SNRK: variants seen among roughly 807,000 people sequenced by gnomAD.
The protein encoded by SNRK is SNF related kinase, also known as SNF-related serine/threonine-protein kinase.
A neutral mutation model predicts 48.2 loss-of-function variants in SNRK; 3 were observed. The ratio of observed to expected loss-of-function variants is 0.06; its 90% CI spans 0.03 to 0.16. SNRK has a LOEUF of 0.16. Among genes scored for constraint, SNRK ranks in the 10% least tolerant of loss-of-function variants. The probability of loss-of-function intolerance (pLI) is 1.00; values close to 1 mark genes in which losing one functional copy is unlikely to be tolerated. For synonymous variants in SNRK, 376 were observed against 366.1 expected (o/e 1.03, Z -0.31); for missense variants, 627 against 976.0 (o/e 0.64, Z 4.76).
chr3:43,339,868 T>C (rs2091221491), intron 4 of SNRK, among the ~76,000 whole-genome samples: 2 of 96,730 alleles, frequency 2.1e-5, no homozygotes, highest in African/African-American at 4.5e-5. Flanking sequence ...TATATATATA[T>C]ATATATGTTA....
At position 43,348,895 on chromosome 3, in the gene SNRK, C is replaced by CT. The variant is rs58250366; in HGVS notation, c.*342dup. 102,700 of 179,116 alleles carry CT rather than the reference C, an allele frequency of 0.57. 33,283 individuals carry two copies. Among genetic ancestry groups the CT allele is most frequent in the East Asian group, 0.78 (5,453 of 6,956 alleles). The allele number at this position is 179,116 out of a possible 1,614,324, so 11.1% of individuals were successfully genotyped here. ...ACTTAACCTAGAGAGAGAAAAAATG[C>CT]TTTTCTTTGTGAAAAATCTGAATTC... On this transcript the variant is annotated 3_prime_UTR_variant, in exon 7 of 7. Transcript: ENST00000296088.
intron 2 of SNRK, 107 bp from the exon 3 acceptor site, chr3:43,302,985 ATTTATT>A (rs1470060496): frequency 1.1e-5 from 5 of 437,702 alleles, no homozygotes; most frequent in Non-Finnish European, 2.0e-5. Flanking sequence ...TTTTATCTCA[ATTTATT>A]TTCTTCAAGT....
At chr3:43,330,248 C>T (rs751948614) in intron 3 of SNRK, among the ~76,000 whole-genome samples, 1 of 152,174 alleles carries the variant, frequency 6.6e-6, no homozygotes, top group Non-Finnish European at 1.5e-5. Context: ...CATTTAAAAT[C>T]ACCCCTTTTT....
At chr3:43,326,215 G>C (rs886743505) in intron 3 of SNRK, among the ~76,000 whole-genome samples, 1 of 151,986 alleles carries the variant, frequency 6.6e-6, no homozygotes, top group Non-Finnish European at 1.5e-5. Context: ...TATCTTCCCT[G>C]ATTTATCCCA....
intron 1 of SNRK, among the ~76,000 whole-genome samples, chr3:43,292,198 T>C (rs1303296791): frequency 6.6e-6 from 1 of 152,226 alleles, no homozygotes; most frequent in Non-Finnish European, 1.5e-5. Flanking sequence ...TAATAGATTT[T>C]TAGTAGTATG....
chr3:43,326,385 T>C (rs544756585), intron 3 of SNRK, among the ~76,000 whole-genome samples: 4 of 152,160 alleles, frequency 2.6e-5, no homozygotes, highest in African/African-American at 9.6e-5. Context: ...CAGAACTCTT[T>C]TGAAAAATTT....
rs1227075197 is a variant in SNRK, at chr3:43,310,648, G to C, written c.589+6856G>C. ...GTCTTCACATTTTAATGATAATTTG[G>C]CTGGATATAGAAATATATATTCAAA... is the stretch of plus-strand genomic sequence containing the variant. On this transcript the variant is annotated intron_variant, in intron 3 of 6. Transcript: ENST00000296088. Among the ~76,000 whole-genome samples the C allele has an allele frequency of 2.6e-5, 4 of 151,908 alleles. No individual in the cohort carries two copies. The East Asian group carries it at 7.7e-4, about 29-fold the overall frequency.
chr3:43,298,424 T>C (rs1166536798), intron 1 of SNRK, among the ~76,000 whole-genome samples: 9 of 152,090 alleles, frequency 5.9e-5, no homozygotes, highest in African/African-American at 1.7e-4. Context: ...CATCCCAGGG[T>C]TCATCTGTCA....
intron 3 of SNRK, among the ~76,000 whole-genome samples, chr3:43,322,926 T>C (rs1054505481): frequency 9.6e-6 from 1 of 104,032 alleles, no homozygotes; most frequent in African/African-American, 3.9e-5. Flanking sequence ...CACTACAGCC[T>C]GCGCGACAGA....
intron 2 of SNRK, among the ~76,000 whole-genome samples, chr3:43,300,557 A>G (rs1242445629): frequency 6.6e-6 from 1 of 152,136 alleles, no homozygotes; most frequent in African/African-American, 2.4e-5. Flanking sequence ...TTTTAAGCAT[A>G]ATTATTGCCC....
In SNRK at chr3:43,339,818, AATATATATATATATATATATATAT is replaced by A. The variant is rs71083066; in HGVS notation, c.732-436_732-413del. Among the ~76,000 whole-genome samples the A allele has an allele frequency of 5.9e-3, 397 of 66,730 alleles. 10 individuals are homozygous for A. Among genetic ancestry groups the A allele is most frequent in the Middle Eastern group, 0.039 (4 of 102 alleles). 43.8% of individuals were successfully genotyped at this position (66,730 alleles called of 152,430 possible). On this transcript the variant is annotated intron_variant, in intron 4 of 6. Coordinates refer to ENST00000296088, the MANE Select transcript of SNRK (RefSeq NM_017719.5). ...CAATGGAGTGGGACTCCATTTCCAAAATATATATATATATATATATATATATATATATATATATATATATATATA... is the reference window on the plus strand; with the variant it reads ...CAATGGAGTGGGACTCCATTTCCAAAATATATATATATATATATATATATA...
rs777240834 is a variant in SNRK at position 43,350,866 on chromosome 3, A to C, written c.*2309A>C. 8.5e-5 allele frequency: 13 copies of C among 152,398 alleles called. No homozygotes were observed. Among genetic ancestry groups the C allele is most frequent in the Non-Finnish European group, 1.5e-4 (10 of 67,948 alleles). The allele number at this position is 152,398 out of a possible 1,614,324, so 9.4% of individuals were successfully genotyped here. On this transcript the variant is annotated 3_prime_UTR_variant, in exon 7 of 7. Transcript: ENST00000296088. ...GTCTTGTATTTTTCTGTATGTGTGT[A>C]TATATATATAATTATGTACTTCTGG...
rs572904911 is a variant in SNRK at position 43,305,675 on chromosome 3, C to T, written c.589+1883C>T. Among the ~76,000 whole-genome samples the T allele has an allele frequency of 2.3e-3, 352 of 151,772 alleles. 1 individual carries two copies. Among genetic ancestry groups the T allele is most frequent in the African/African-American group, 8.0e-3 (332 of 41,380 alleles). The stretch of plus-strand genomic sequence containing the variant: ...ATTTTTTTTTTATTTTTAGTAGAGA[C>T]GGGGTTTCACCGTGTTAGCCAGGAT... On this transcript the variant is annotated intron_variant, in intron 3 of 6. Transcript: ENST00000296088.
chr3:43,308,258 G>A (rs1429299593), intron 3 of SNRK, among the ~76,000 whole-genome samples: 1 of 152,212 alleles, frequency 6.6e-6, no homozygotes. Context: ...GCTGCAGCAA[G>A]TTAGCCAGAA....
rs1481503688 is a variant in SNRK, at chr3:43,347,291, G to A, written c.1080-48G>A. 1 of 1,505,204 alleles carries A rather than the reference G, an allele frequency of 6.6e-7. No individual in the cohort carries two copies. The highest frequency in any genetic ancestry group is 8.9e-7 in the Non-Finnish European group (1 of 1,126,240). The allele number at this position is 1,505,204 out of a possible 1,614,324, so 93.2% of individuals were successfully genotyped here. A position where few individuals can be genotyped will look rare whatever the true frequency, so the allele number is the denominator to read the frequency against. Reference sequence around the variant, plus strand: ...ATTGTGATGTACTTTACTATCATCTGCATAATGATTATATGGCTTTTTTCC... The same window carrying A: ...ATTGTGATGTACTTTACTATCATCTACATAATGATTATATGGCTTTTTTCC... On this transcript the variant is annotated intron_variant, in intron 6 of 6. Coordinates refer to ENST00000296088, the MANE Select transcript of SNRK (RefSeq NM_017719.5). The surrounding 1 kb of genome is among the most constrained non-coding windows in gnomAD (Gnocchi z 5.4).
At chr3:43,323,522 G>A (rs897436881) in intron 3 of SNRK, among the ~76,000 whole-genome samples, 1 of 152,116 alleles carries the variant, frequency 6.6e-6, no homozygotes, top group Non-Finnish European at 1.5e-5. Flanking sequence ...ATGTAAAATC[G>A]TATAACCAGT....
intron 1 of SNRK, among the ~76,000 whole-genome samples, chr3:43,287,526 T>C (rs2090776204): frequency 6.6e-6 from 1 of 152,196 alleles, no homozygotes; most frequent in South Asian, 2.1e-4. Flanking sequence ...TCTGAGGATA[T>C]GGGACCTTTC....
intron 3 of SNRK, among the ~76,000 whole-genome samples, chr3:43,312,611 C>T (rs1301694566): frequency 6.6e-6 from 1 of 152,070 alleles, no homozygotes; most frequent in Non-Finnish European, 1.5e-5. Context: ...CACTTTTACT[C>T]AACATAGTAC....
At chr3:43,309,612 G>GTTTTTTT (rs35398476) in intron 3 of SNRK, among the ~76,000 whole-genome samples, 10 of 143,194 alleles carry the variant, frequency 7.0e-5, no homozygotes, top group Non-Finnish European at 4.6e-5. Flanking sequence ...TAGAAATAAG[G>GTTTTTTT]TTTTTTTTTT....
Sources: gnomAD v4.1 joint callset for allele counts (sites outside exome capture counted in the v4.1 genomes callset) on GRCh38, gnomAD v4.1.1 for gene constraint, Gnocchi (gnomAD v3.1) non-coding constraint, MANE v1.5 for transcripts, NCBI Gene and HGNC (gene_info 2026-07-23, HGNC 2026-07-21) for gene names.